Variants in COX7A2L observed in about 807,000 individuals in gnomAD.
COX7A2L encodes cytochrome c oxidase subunit 7A2-like, mitochondrial.
A neutral mutation model predicts 14.2 loss-of-function variants in COX7A2L; 18 were observed. That is an observed-to-expected ratio of 1.27 (90% CI 0.88 to 1.88). The LOEUF (loss-of-function observed/expected upper bound fraction) is 1.88. COX7A2L is among the 40% of genes most tolerant of loss of function. The pLI, the probability that COX7A2L is intolerant of heterozygous loss-of-function variation, is 0.00. For synonymous variants in COX7A2L, 65 were observed against 57.4 expected (o/e 1.13, Z -0.60); for missense variants, 179 against 138.8 (o/e 1.29, Z -1.46).
downstream of COX7A2L, among the ~76,000 whole-genome samples, chr2:42,347,066 A>G (rs1022469279): frequency 6.6e-6 from 1 of 152,088 alleles, no homozygotes; most frequent in Non-Finnish European, 1.5e-5. Context: ...AGGTTTCACC[A>G]TGTTGCCCAG....
In COX7A2L at chr2:42,351,060, G is replaced by A; in HGVS notation, c.*159C>T. The A allele has an allele frequency of 1.4e-6, 1 of 736,802 alleles. No homozygotes were observed. Among genetic ancestry groups the A allele is most frequent in the East Asian group, 2.8e-5 (1 of 35,394 alleles). 45.6% of individuals were successfully genotyped at this position (736,802 alleles called of 1,614,324 possible). ...TCGAATGAGCTCTGACAAGCCATAT[G>A]CATTTCATAAACAAACCAAAACATC... is the stretch of plus-strand genomic sequence containing the variant. On this transcript the variant is annotated 3_prime_UTR_variant, in exon 3 of 3. Coordinates refer to ENST00000234301, the MANE Select transcript of COX7A2L (RefSeq NM_004718.4).
intron 2 of COX7A2L, among the ~76,000 whole-genome samples, chr2:42,340,100 G>C (rs892402802): frequency 2.0e-5 from 3 of 152,078 alleles, no homozygotes; most frequent in Non-Finnish European, 2.9e-5. Flanking sequence ...ATGCTTATGG[G>C]ATTCCTCACC....
downstream of COX7A2L, among the ~76,000 whole-genome samples, chr2:42,349,025 A>T (rs927578637): frequency 2.0e-5 from 3 of 152,220 alleles, no homozygotes; most frequent in Non-Finnish European, 2.9e-5. Context: ...GAGAATGTTA[A>T]ATGGTACAAC....
At position 42,353,256 on chromosome 2, in the gene COX7A2L, A is replaced by T. The variant is rs1670704549; in HGVS notation, c.160T>A (p.Tyr54Asn). ...TCTGGAACTTTGTTTTTCCCAGCAT[A>T]ATCATACACTGTGGAATCGGAGGTC... ...KLTSDSTVYD[Y>N]AGKNKVPELQ... The change falls in exon 2 of 3, where the codon TAT becomes AAT. Residue 54 changes from tyrosine to asparagine, a missense_variant. Physicochemically the swap from Tyr to Asn is moderately radical, Grantham distance 143 (BLOSUM62 -2). Coordinates refer to ENST00000234301, the MANE Select transcript of COX7A2L (RefSeq NM_004718.4). The T allele has an allele frequency of 6.2e-7, 1 of 1,614,026 alleles. No individual in the cohort carries two copies. The highest frequency in any genetic ancestry group is 1.1e-5 in the South Asian group (1 of 91,072).
chr2:42,341,198 A>G (rs775865800), intron 2 of COX7A2L, among the ~76,000 whole-genome samples: 4 of 152,202 alleles, frequency 2.6e-5, no homozygotes, highest in Admixed American at 1.3e-4. Flanking sequence ...GCCACTAGAC[A>G]GGAGCGTGGA....
upstream of COX7A2L, among the ~76,000 whole-genome samples, chr2:42,364,697 A>C (rs1036199198): frequency 4.6e-5 from 7 of 152,152 alleles, no homozygotes; most frequent in African/African-American, 1.7e-4. Flanking sequence ...CCTGAAACCT[A>C]GATTATATTG....
chr2:42,335,897 A>G (rs1256423132), intron 2 of COX7A2L, among the ~76,000 whole-genome samples: 1 of 152,224 alleles, frequency 6.6e-6, no homozygotes, highest in Non-Finnish European at 1.5e-5. Flanking sequence ...ATCCTTCCCT[A>G]CTATCCCTAC....
upstream of COX7A2L, chr2:42,361,381 G>T: frequency 2.0e-6 from 1 of 510,092 alleles, no homozygotes; most frequent in South Asian, 2.7e-5. Flanking sequence ...AGCTCTAAGA[G>T]AGCACGCAAA....
chr2:42,366,564 G>T (rs962916056), intron 1 of COX7A2L, among the ~76,000 whole-genome samples: 1 of 152,186 alleles, frequency 6.6e-6, no homozygotes, highest in Non-Finnish European at 1.5e-5. Context: ...TTAACAGGGT[G>T]ATTGCAAAGA....
chr2:42,341,404 C>A (rs1180058466), intron 2 of COX7A2L, among the ~76,000 whole-genome samples: 2 of 152,184 alleles, frequency 1.3e-5, no homozygotes, highest in African/African-American at 4.8e-5. Context: ...TCACTTGGTA[C>A]CCCAAGGCCT....
chr2:42,342,913 T>G lies in COX7A2L; in HGVS notation c.193-9044A>C, dbSNP rs1000354103. On this transcript the variant is annotated intron_variant, in intron 2 of 2. Coordinates refer to the COX7A2L transcript ENST00000468711. The surrounding 1 kb of genome is among the most constrained non-coding windows in gnomAD (Gnocchi z 4.9). ...CCCATCCCAACACATCCTGCAGCAG[T>G]GCCGCACCCGGGCACCGTGGAGCCA... is the stretch of plus-strand genomic sequence containing the variant. Among the ~76,000 whole-genome samples the G allele has an allele frequency of 1.3e-5, 2 of 152,134 alleles. No individual in the cohort carries two copies. The highest frequency in any genetic ancestry group is 4.8e-5 in the African/African-American group (2 of 41,430).
At chr2:42,368,199 T>C in intron 1 of COX7A2L, among the ~76,000 whole-genome samples, 1 of 152,220 alleles carries the variant, frequency 6.6e-6, no homozygotes, top group Non-Finnish European at 1.5e-5. Context: ...AGCAATCATT[T>C]CTAGATGTGT....
chr2:42,345,954 A>C (rs114000508), downstream of COX7A2L, among the ~76,000 whole-genome samples: 1,422 of 152,286 alleles, frequency 9.3e-3, 24 homozygotes, highest in African/African-American at 0.032. Context: ...CTGAGTAAAC[A>C]AACCAACCTG....
intron 2 of COX7A2L, among the ~76,000 whole-genome samples, chr2:42,337,000 T>C (rs1240983763): frequency 1.3e-5 from 2 of 152,232 alleles, no homozygotes; most frequent in African/African-American, 2.4e-5. Flanking sequence ...AAACAAACTT[T>C]GTATATTTTA....
At chr2:42,361,365 A>C (rs2103914897), upstream of COX7A2L, 2 of 553,858 alleles carry the variant, frequency 3.6e-6, no homozygotes, top group East Asian at 6.5e-5. Context: ...CACGAAAGGC[A>C]AAACCAGCTC....
chr2:42,367,778 T>C (rs1572807210), intron 1 of COX7A2L, among the ~76,000 whole-genome samples: 1 of 152,226 alleles, frequency 6.6e-6, no homozygotes, highest in Non-Finnish European at 1.5e-5. Context: ...AAAAGACTTA[T>C]GCTGAAGCTC....
chr2:42,363,644 A>AT (rs1463812558), upstream of COX7A2L, among the ~76,000 whole-genome samples: 2 of 152,196 alleles, frequency 1.3e-5, no homozygotes, highest in Admixed American at 1.3e-4. Flanking sequence ...TCATGGGAAG[A>AT]TTTTGTCTCA....
intron 1 of COX7A2L, among the ~76,000 whole-genome samples, chr2:42,367,595 C>A (rs1671190737): frequency 6.6e-6 from 1 of 152,250 alleles, no homozygotes; most frequent in South Asian, 2.1e-4. Context: ...CCCAAAAGCA[C>A]AACTGAGAAA....
chr2:42,357,590 G>C (rs1163986820), intron 1 of COX7A2L, among the ~76,000 whole-genome samples: 1 of 152,074 alleles, frequency 6.6e-6, no homozygotes, highest in African/African-American at 2.4e-5. Context: ...GGGATTACCA[G>C]TGTGAGCCAC....
Sources: gnomAD v4.1 joint callset for allele counts (sites outside exome capture counted in the v4.1 genomes callset) on GRCh38, gnomAD v4.1.1 for gene constraint, Gnocchi (gnomAD v3.1) non-coding constraint, MANE v1.5 for transcripts, NCBI Gene and HGNC (gene_info 2026-07-23, HGNC 2026-07-21) for gene names.